The following ATG10 variants were observed in gnomAD, a reference collection of about 807,000 sequenced individuals.
ATG10 encodes the protein autophagy related 10, also known as ubiquitin-like-conjugating enzyme ATG10.
ATG10 carries 30 observed loss-of-function variants against 32.1 expected under a neutral mutation model. The ratio of observed to expected loss-of-function variants is 0.94; its 90% CI spans 0.70 to 1.27. The LOEUF (loss-of-function observed/expected upper bound fraction) is 1.27. ATG10 is among the 50% of genes most tolerant of loss of function. ATG10 has a pLI of 0.00. For synonymous variants in ATG10, 87 were observed against 91.5 expected, an observed-to-expected ratio of 0.95 and a Z score of 0.28; for missense variants, 233 against 262.3, an observed-to-expected ratio of 0.89 and a Z score of 0.77.
intron 2 of ATG10, among the ~76,000 whole-genome samples, chr5:82,044,889 A>G (rs976041327): frequency 1.3e-5 from 2 of 152,162 alleles, no homozygotes; most frequent in Non-Finnish European, 2.9e-5. Flanking sequence ...GACTCACAAA[A>G]GGCTCCTCTG....
chr5:82,053,325 C>T (rs1763486270), intron 2 of ATG10, among the ~76,000 whole-genome samples: 1 of 152,094 alleles, frequency 6.6e-6, no homozygotes, highest in African/African-American at 2.4e-5. Context: ...TATTGGACCC[C>T]TTCCTGTTGA....
intron 3 of ATG10, among the ~76,000 whole-genome samples, chr5:82,108,448 ATATGTATATATGTGTATATATG>A (rs1459464497): frequency 6.6e-6 from 1 of 151,942 alleles, no homozygotes; most frequent in African/African-American, 2.4e-5. Context: ...TACATATCAT[ATATGTATATATGTGTATATATG>A]TATGTATAAC....
intron 2 of ATG10, among the ~76,000 whole-genome samples, chr5:82,003,744 A>G (rs972507278): frequency 2.0e-5 from 3 of 152,256 alleles, no homozygotes; most frequent in African/African-American, 4.8e-5. Context: ...ATGGAAAGAA[A>G]TAAGTATTAC....
intron 3 of ATG10, among the ~76,000 whole-genome samples, 199 bp downstream of exon 3, chr5:82,058,801 A>G (rs1654356460): frequency 6.6e-6 from 1 of 152,150 alleles, no homozygotes; most frequent in African/African-American, 2.4e-5. Context: ...GAGAGATCCA[A>G]TTGCCATTGG....
At chr5:82,112,333 T>A (rs1039116827) in intron 3 of ATG10, among the ~76,000 whole-genome samples, 4 of 151,980 alleles carry the variant, frequency 2.6e-5, no homozygotes, top group Non-Finnish European at 5.9e-5. Context: ...TAACCATTTT[T>A]AAAATATATT....
chr5:82,050,544 A>G (rs1581637016), intron 2 of ATG10, among the ~76,000 whole-genome samples: 2 of 152,086 alleles, frequency 1.3e-5, no homozygotes, highest in South Asian at 4.1e-4. Context: ...TGAACCTAAT[A>G]AAAGTATATA....
intron 1 of ATG10, among the ~76,000 whole-genome samples, chr5:81,979,289 A>G (rs536787684): frequency 6.6e-6 from 1 of 152,290 alleles, no homozygotes; most frequent in Admixed American, 6.5e-5. Flanking sequence ...GCACTTCCAG[A>G]GGCCGAGATG....
chr5:82,208,024 T>C (rs1436185950), intron 5 of ATG10, among the ~76,000 whole-genome samples: 1 of 152,226 alleles, frequency 6.6e-6, no homozygotes, highest in Non-Finnish European at 1.5e-5. Context: ...ACAAGTCATA[T>C]TTCATTTTTT....
At chr5:81,993,336 C>T (rs10054465) in intron 2 of ATG10, among the ~76,000 whole-genome samples, 45,980 of 76,950 alleles carry the variant, frequency 0.6, 14,617 homozygotes, top group East Asian at 0.82. Context: ...TCCTTCCTTC[C>T]TTCTTTCTTT....
chr5:81,986,005 C>A (rs537772603), intron 1 of ATG10, among the ~76,000 whole-genome samples: 2 of 152,120 alleles, frequency 1.3e-5, no homozygotes, highest in African/African-American at 4.8e-5. Context: ...CCTTGTGATC[C>A]GCCTGCCTCG....
intron 5 of ATG10, among the ~76,000 whole-genome samples, chr5:82,200,757 A>T (rs1218963522): frequency 6.6e-6 from 1 of 151,404 alleles, no homozygotes; most frequent in Non-Finnish European, 1.5e-5. Context: ...CGGATATGTT[A>T]TGTATAAATA....
chr5:82,122,068 A>C (rs904207772), intron 3 of ATG10, among the ~76,000 whole-genome samples: 1 of 151,630 alleles, frequency 6.6e-6, no homozygotes, highest in Admixed American at 6.6e-5. Flanking sequence ...GAATGGTACC[A>C]CATCTTCTTT....
intron 3 of ATG10, among the ~76,000 whole-genome samples, chr5:82,067,119 C>T (rs1301429942): frequency 6.6e-6 from 1 of 152,096 alleles, no homozygotes; most frequent in African/African-American, 2.4e-5. Flanking sequence ...GTGAATGTAG[C>T]AGACCCCAAT....
chr5:82,164,331 T>C, intron 3 of ATG10, 68 bp from the exon 4 acceptor site: 1 of 1,451,262 alleles, frequency 6.9e-7, no homozygotes, highest in Middle Eastern at 1.7e-4. Context: ...AATCTCCTCT[T>C]TTCCTCTCCA....
rs1358497656 is a variant in ATG10, at chr5:82,164,430, A to C, written c.248A>C (p.Glu83Ala). ...EAFELPLDDC[E>A]VIETAAASEV... ...TTCGAGCTACCCTTGGATGATTGTG[A>C]AGTGATTGAAACTGCAGCAGCGTCC... Residue 83 changes from glutamate to alanine, a missense_variant, in exon 4 of 8, where the codon GAA (glutamate) becomes GCA (alanine). Transcript: ENST00000282185. The C allele has an allele frequency of 6.2e-7, 1 of 1,613,846 alleles. No individual in the cohort carries two copies. The highest frequency in any genetic ancestry group is 1.7e-5 in the Admixed American group (1 of 59,994).
At chr5:82,186,742 G>A (rs928641380) in intron 5 of ATG10, among the ~76,000 whole-genome samples, 1 of 151,810 alleles carries the variant, frequency 6.6e-6, no homozygotes, top group Admixed American at 6.6e-5. Context: ...ATAGTCATGC[G>A]CCACCATGCG....
intron 3 of ATG10, among the ~76,000 whole-genome samples, chr5:82,061,143 T>C (rs114647630): frequency 0.03 from 4,575 of 152,242 alleles, 99 homozygotes; most frequent in Middle Eastern, 0.051. Flanking sequence ...TTCTCTTTTT[T>C]TCCCAGGTAA....
intron 3 of ATG10, among the ~76,000 whole-genome samples, chr5:82,162,596 T>A (rs566016172): frequency 3.3e-5 from 5 of 152,294 alleles, no homozygotes; most frequent in South Asian, 4.1e-4. Flanking sequence ...GCTGTGATAT[T>A]CATTGCAGCC....
intron 3 of ATG10, among the ~76,000 whole-genome samples, chr5:82,121,924 A>G (rs562153705): frequency 2.2e-5 from 3 of 139,326 alleles, no homozygotes; most frequent in African/African-American, 8.5e-5. Flanking sequence ...AGGATTTTGC[A>G]TCAATATTGG....
Sources: allele counts gnomAD v4.1 joint callset (sites outside exome capture counted in the v4.1 genomes callset), GRCh38; gene constraint gnomAD v4.1.1; transcripts MANE v1.5; gene names NCBI Gene and HGNC (gene_info 2026-07-23, HGNC 2026-07-21).